The following SNTG1 variants were observed in gnomAD, a reference collection of about 807,000 sequenced individuals.
SNTG1 encodes gamma-1-syntrophin.
In SNTG1, 39 loss-of-function variants were observed where a neutral mutation model predicts 74.7. The ratio of observed to expected loss-of-function variants is 0.52; its 90% CI spans 0.40 to 0.68. The LOEUF (loss-of-function observed/expected upper bound fraction) is 0.68. Ranked by LOEUF, SNTG1 falls within the 30% of genes least tolerant of loss-of-function variation. The pLI, the probability that SNTG1 is intolerant of heterozygous loss-of-function variation, is 0.00. For synonymous variants in SNTG1, 254 were observed against 217.1 expected, an observed-to-expected ratio of 1.17 and a Z score of -1.49; for missense variants, 685 against 609.5, an observed-to-expected ratio of 1.12 and a Z score of -1.30.
At chr8:50,750,028 A>T (rs1200421791) in intron 17 of SNTG1, among the ~76,000 whole-genome samples, 1 of 152,046 alleles carries the variant, frequency 6.6e-6, no homozygotes, top group Admixed American at 6.6e-5. Flanking sequence ...GCAGTCAATT[A>T]AAAACTTTCT....
rs563965935 is a variant in SNTG1, at chr8:49,994,374, G to C, written c.-103+82143G>C. Reference sequence around the variant, plus strand: ...GGATTCAAGTGATTCTCCAGTCTCAGCTTCCATAGTAGCTGGGGTTACAGG... The same window carrying C: ...GGATTCAAGTGATTCTCCAGTCTCACCTTCCATAGTAGCTGGGGTTACAGG... On this transcript the variant is annotated intron_variant, in intron 1 of 18. Coordinates refer to ENST00000642720, the MANE Select transcript of SNTG1 (RefSeq NM_018967.5). 1.3e-4 allele frequency among the ~76,000 whole-genome samples: 19 copies of C among 148,306 alleles called. No individual in the cohort carries two copies. The South Asian group carries it at 4.0e-3, about 32-fold the overall frequency.
intron 1 of SNTG1, among the ~76,000 whole-genome samples, chr8:49,997,263 C>T (rs1017386644): frequency 6.6e-6 from 1 of 152,078 alleles, no homozygotes; most frequent in African/African-American, 2.4e-5. Flanking sequence ...CACCCCATTC[C>T]CTCTGGCCTA....
intron 2 of SNTG1, among the ~76,000 whole-genome samples, chr8:50,210,208 C>T (rs900393336): frequency 6.6e-6 from 1 of 152,062 alleles, no homozygotes; most frequent in African/African-American, 2.4e-5. Flanking sequence ...AACAAAGCCT[C>T]CAAGAAATAT....
intron 2 of SNTG1, among the ~76,000 whole-genome samples, chr8:50,190,373 T>C (rs2131776696): frequency 6.6e-6 from 1 of 152,286 alleles, no homozygotes; most frequent in Non-Finnish European, 1.5e-5. Flanking sequence ...TATTTTCTGC[T>C]TTTAAGATTA....
intron 17 of SNTG1, among the ~76,000 whole-genome samples, chr8:50,722,569 T>C (rs1323925349): frequency 6.6e-6 from 1 of 152,192 alleles, no homozygotes; most frequent in Non-Finnish European, 1.5e-5. Flanking sequence ...TTATCTCTTA[T>C]AGATAGTAGC....
chr8:50,578,531 G>A lies in SNTG1; in HGVS notation c.811-12348G>A, dbSNP rs145599913. 1.8e-4 allele frequency among the ~76,000 whole-genome samples: 28 copies of A among 152,230 alleles called. No homozygotes were observed. The East Asian group carries it at 1.9e-3, about 11-fold the overall frequency. ...CTTTGGTGGGTGATATGATTTGGCC[G>A]TGTGCCCACCCATATCTCATCTTGA... is the stretch of plus-strand genomic sequence containing the variant. On this transcript the variant is annotated intron_variant, in intron 12 of 18. Coordinates refer to ENST00000642720, the MANE Select transcript of SNTG1 (RefSeq NM_018967.5).
At chr8:50,663,595 C>T (rs536898137) in intron 15 of SNTG1, among the ~76,000 whole-genome samples, 21 of 152,244 alleles carry the variant, frequency 1.4e-4, no homozygotes, top group Admixed American at 1.2e-3. Flanking sequence ...TGAGCTGTAA[C>T]TCCCTAACAC....
rs573938037 is a variant in SNTG1 at position 50,353,896 on chromosome 8, T to G, written c.-27-40316T>G. 3.3e-5 allele frequency among the ~76,000 whole-genome samples: 5 copies of G among 152,348 alleles called. No homozygotes were observed. The East Asian group carries it at 9.6e-4, about 29-fold the overall frequency. ...TCTTCAGCAACAAATCACATGCTTC[T>G]AAGTGTTCAGTATTTTAACTGGTCT... On this transcript the variant is annotated intron_variant, in intron 2 of 18. Coordinates refer to ENST00000642720, the MANE Select transcript of SNTG1 (RefSeq NM_018967.5).
intron 13 of SNTG1, among the ~76,000 whole-genome samples, chr8:50,645,515 G>A (rs10110936): frequency 0.21 from 32,586 of 151,742 alleles, 3,913 homozygotes; most frequent in African/African-American, 0.31. Context: ...ATCTCCTTGT[G>A]TGGCTTATAA....
rs372674229 is a variant in SNTG1, at chr8:50,381,558, ATGTGTGTGTGTGTG to A, written c.-27-12632_-27-12619del. On this transcript the variant is annotated intron_variant, in intron 2 of 18. Coordinates refer to ENST00000642720, the MANE Select transcript of SNTG1 (RefSeq NM_018967.5). ...TCTAGAGGGACAGAACTAATAGGAT[ATGTGTGTGTGTGTG>A]TGTGTGTGTGTGTGTGTGTGTATAT... 2.8e-5 allele frequency among the ~76,000 whole-genome samples: 3 copies of A among 108,598 alleles called. No individual in the cohort carries two copies. In the Admixed American group the frequency reaches 3.0e-4, roughly 11 times the overall value. 71.2% of individuals were successfully genotyped at this position (108,598 alleles called of 152,430 possible).
intron 2 of SNTG1, among the ~76,000 whole-genome samples, chr8:50,261,936 T>C (rs1209047162): frequency 6.6e-6 from 1 of 152,130 alleles, no homozygotes; most frequent in Non-Finnish European, 1.5e-5. Context: ...TAATAATCAC[T>C]TTAAATGTCA....
At chr8:50,177,654 A>G (rs1346050603) in intron 2 of SNTG1, among the ~76,000 whole-genome samples, 1 of 152,174 alleles carries the variant, frequency 6.6e-6, no homozygotes, top group Non-Finnish European at 1.5e-5. Context: ...CATGGAAACA[A>G]AGACTTACTT....
intron 11 of SNTG1, among the ~76,000 whole-genome samples, chr8:50,540,435 GTTTTAT>G (rs2094338092): frequency 6.6e-6 from 1 of 152,050 alleles, no homozygotes; most frequent in Admixed American, 6.6e-5. Flanking sequence ...TTTGGGAAAT[GTTTTAT>G]ATGTATTTAT....
chr8:50,493,230 T>A (rs2093874084), intron 8 of SNTG1, among the ~76,000 whole-genome samples: 1 of 152,164 alleles, frequency 6.6e-6, no homozygotes, highest in South Asian at 2.1e-4. Context: ...TGGCACCTTC[T>A]ATGCATATGA....
intron 17 of SNTG1, among the ~76,000 whole-genome samples, chr8:50,747,470 C>T (rs894291093): frequency 3.3e-5 from 5 of 151,752 alleles, no homozygotes; most frequent in African/African-American, 9.7e-5. Flanking sequence ...AAAAAATTGG[C>T]GTATAAAAAT....
At position 50,766,013 on chromosome 8, in the gene SNTG1, G is replaced by A. The variant is rs145943163; in HGVS notation, c.1395+13902G>A. ...TACACAGTTATTTTAAACCTCAAAT[G>A]TTAAATATAAAATACCTGTAAACTG... On this transcript the variant is annotated intron_variant, in intron 18 of 18. Transcript: ENST00000642720. 1.6e-4 allele frequency among the ~76,000 whole-genome samples: 24 copies of A among 152,016 alleles called. No individual in the cohort carries two copies. In the East Asian group the frequency reaches 4.7e-3, roughly 30 times the overall value.
At chr8:50,694,102 A>C (rs2095394222) in intron 15 of SNTG1, among the ~76,000 whole-genome samples, 2 of 152,012 alleles carry the variant, frequency 1.3e-5, no homozygotes, top group Non-Finnish European at 2.9e-5. Context: ...GAAAATAATA[A>C]AGAACATAAA....
At chr8:50,687,799 C>G (rs1450891989) in intron 15 of SNTG1, among the ~76,000 whole-genome samples, 1 of 152,122 alleles carries the variant, frequency 6.6e-6, no homozygotes, top group Non-Finnish European at 1.5e-5. Context: ...TCAATTCCCA[C>G]CCGGGAGTGA....
At chr8:50,125,494 A>C (rs1193520725) in intron 1 of SNTG1, among the ~76,000 whole-genome samples, 1 of 142,396 alleles carries the variant, frequency 7.0e-6, no homozygotes, top group East Asian at 2.0e-4. Context: ...TCTCAAATAT[A>C]TGTTTAAGTA....
Sources: gnomAD v4.1 joint callset for allele counts (sites outside exome capture counted in the v4.1 genomes callset) on GRCh38, gnomAD v4.1.1 for gene constraint, MANE v1.5 for transcripts, NCBI Gene and HGNC (gene_info 2026-07-23, HGNC 2026-07-21) for gene names.